Variants in CEP85L observed in about 807,000 individuals in gnomAD.
CEP85L encodes the protein centrosomal protein of 85 kDa-like.
CEP85L carries 60 observed loss-of-function variants against 100.3 expected under a neutral mutation model. The ratio of observed to expected loss-of-function variants is 0.60; its 90% CI spans 0.49 to 0.74. CEP85L has a LOEUF of 0.74. Among genes scored for constraint, CEP85L ranks in the 30% least tolerant of loss-of-function variants. The pLI is 0.00. For synonymous variants in CEP85L, 319 were observed against 322.7 expected (o/e 0.99, Z 0.12); for missense variants, 973 against 936.2 (o/e 1.04, Z -0.51).
intron 10 of CEP85L, among the ~76,000 whole-genome samples, chr6:118,474,928 T>C (rs1773241885): frequency 1.3e-5 from 2 of 152,190 alleles, no homozygotes; most frequent in African/African-American, 2.4e-5. Flanking sequence ...CTGGGAAGAA[T>C]ACTCCTGAGG....
chr6:118,539,977 TGAGTG>T (rs1189105085), intron 3 of CEP85L, among the ~76,000 whole-genome samples: 1 of 152,038 alleles, frequency 6.6e-6, no homozygotes, highest in Non-Finnish European at 1.5e-5. Context: ...GTGAAACTGT[TGAGTG>T]GAGTTCAGAC....
At chr6:118,488,158 G>A (rs150166327) in intron 6 of CEP85L, among the ~76,000 whole-genome samples, 6 of 151,924 alleles carry the variant, frequency 3.9e-5, no homozygotes, top group African/African-American at 1.5e-4. Flanking sequence ...AACTTAAAGA[G>A]GGAGGAAAAA....
At chr6:118,480,955 T>G in intron 8 of CEP85L, among the ~76,000 whole-genome samples, 1 of 152,140 alleles carries the variant, frequency 6.6e-6, no homozygotes, top group East Asian at 1.9e-4. Context: ...CTTGTAAGAA[T>G]AGCTGTTGCC....
At chr6:118,546,057 T>C (rs1778183371) in intron 3 of CEP85L, among the ~76,000 whole-genome samples, 1 of 152,136 alleles carries the variant, frequency 6.6e-6, no homozygotes, top group African/African-American at 2.4e-5. Context: ...GATAACACTA[T>C]AACTCATTAA....
chr6:118,655,409 T>C (rs1775755341), upstream of CEP85L, among the ~76,000 whole-genome samples: 1 of 152,244 alleles, frequency 6.6e-6, no homozygotes, highest in Non-Finnish European at 1.5e-5. Flanking sequence ...CAGGAACTGC[T>C]TAGGACTGAC....
At chr6:118,591,255 G>A (rs372731890) in intron 2 of CEP85L, among the ~76,000 whole-genome samples, 18 of 152,218 alleles carry the variant, frequency 1.2e-4, no homozygotes, top group African/African-American at 4.3e-4. Context: ...TGACTTCCTA[G>A]AACTAAATTA....
intron 2 of CEP85L, among the ~76,000 whole-genome samples, chr6:118,623,563 C>T (rs936085728): frequency 5.3e-5 from 8 of 152,090 alleles, no homozygotes; most frequent in Non-Finnish European, 8.8e-5. Context: ...CAGGGAAAGT[C>T]GAAAAGGCAA....
chr6:118,636,085 T>G (rs1354469440), intron 1 of CEP85L, among the ~76,000 whole-genome samples: 3 of 152,090 alleles, frequency 2.0e-5, no homozygotes, highest in Non-Finnish European at 4.4e-5. Context: ...CTAAATCAGC[T>G]GTAGACAATA....
chr6:118,608,092 T>C (rs1271362558), intron 2 of CEP85L, among the ~76,000 whole-genome samples: 3 of 152,240 alleles, frequency 2.0e-5, no homozygotes, highest in African/African-American at 4.8e-5. Flanking sequence ...AGAGATACTA[T>C]TTCCTGGTCA....
chr6:118,638,680 C>A (rs1477893155), intron 1 of CEP85L, among the ~76,000 whole-genome samples: 1 of 151,322 alleles, frequency 6.6e-6, no homozygotes, highest in Non-Finnish European at 1.5e-5. Flanking sequence ...AGAAACTCTA[C>A]ATTGGAACTC....
intron 7 of CEP85L, among the ~76,000 whole-genome samples, chr6:118,483,078 T>A (rs1184957573): frequency 6.6e-6 from 1 of 152,148 alleles, no homozygotes; most frequent in Non-Finnish European, 1.5e-5. Flanking sequence ...CAAAAAATTA[T>A]CTGCCTCCAA....
At chr6:118,549,707 T>C (rs139659697) in intron 3 of CEP85L, among the ~76,000 whole-genome samples, 21 of 151,912 alleles carry the variant, frequency 1.4e-4, no homozygotes, top group African/African-American at 5.1e-4. Flanking sequence ...AGGTGTCTTA[T>C]GTTATTTGTG....
intron 2 of CEP85L, among the ~76,000 whole-genome samples, chr6:118,605,603 T>G (rs978938614): frequency 5.9e-5 from 9 of 152,092 alleles, no homozygotes; most frequent in African/African-American, 2.2e-4. Flanking sequence ...ATTCCTGGGG[T>G]TTCATGAGGA....
intron 5 of CEP85L, among the ~76,000 whole-genome samples, chr6:118,508,084 T>C (rs952857213): frequency 2.0e-5 from 3 of 152,188 alleles, no homozygotes; most frequent in Admixed American, 6.5e-5. Flanking sequence ...TTAAGTTCCA[T>C]AAAGGCAGAA....
chr6:118,678,204 A>G (rs1776540981), intron 1 of CEP85L, among the ~76,000 whole-genome samples: 1 of 152,222 alleles, frequency 6.6e-6, no homozygotes, highest in Non-Finnish European at 1.5e-5. Flanking sequence ...AGCCCCAATA[A>G]AGGTTGCTCA....
chr6:118,663,074 G>T (rs1776026399), intron 1 of CEP85L, among the ~76,000 whole-genome samples: 2 of 151,562 alleles, frequency 1.3e-5, no homozygotes, highest in South Asian at 4.1e-4. Flanking sequence ...GTGAACTAAA[G>T]TCATCCTACT....
chr6:118,676,504 G>A (rs764988294), intron 1 of CEP85L, among the ~76,000 whole-genome samples: 1 of 152,062 alleles, frequency 6.6e-6, no homozygotes, highest in Admixed American at 6.6e-5. Context: ...CCTGCATATT[G>A]TTGCAATGAC....
chr6:118,483,549 T>C (rs1213226898), intron 7 of CEP85L, among the ~76,000 whole-genome samples, 157 bp downstream of exon 7: 2 of 152,194 alleles, frequency 1.3e-5, no homozygotes, highest in Non-Finnish European at 2.9e-5. Flanking sequence ...AAGAAAGATC[T>C]ACTTATGCAT....
chr6:118,542,322 G>A (rs997903500), intron 3 of CEP85L, among the ~76,000 whole-genome samples: 2 of 152,126 alleles, frequency 1.3e-5, no homozygotes, highest in Non-Finnish European at 2.9e-5. Flanking sequence ...CATGCCTGAA[G>A]ATAAGGACTT....
Sources: allele counts gnomAD v4.1 joint callset (sites outside exome capture counted in the v4.1 genomes callset), GRCh38; gene constraint gnomAD v4.1.1; transcripts MANE v1.5; gene names NCBI Gene and HGNC (gene_info 2026-07-23, HGNC 2026-07-21).